Variants in GCNT2 observed in about 807,000 individuals in gnomAD.
GCNT2 encodes glucosaminyl (N-acetyl) transferase 2 (I blood group), also known as N-acetyllactosaminide beta-1,6-N-acetylglucosaminyl-transferase.
A neutral mutation model predicts 34.2 loss-of-function variants in GCNT2; 34 were observed. The ratio of observed to expected loss-of-function variants is 1.00; its 90% confidence interval spans 0.76 to 1.32. The LOEUF (loss-of-function observed/expected upper bound fraction) is 1.32, where lower values mean the gene tolerates loss of function less well. GCNT2 is among the 40% of genes most tolerant of loss of function. The pLI is 0.00. For synonymous variants in GCNT2, 212 were observed against 188.0 expected, an observed-to-expected ratio of 1.13 and a Z score of -1.04; for missense variants, 584 against 489.4, an observed-to-expected ratio of 1.19 and a Z score of -1.82.
intron 3 of GCNT2, among the ~76,000 whole-genome samples, chr6:10,610,158 G>C (rs1765487171): frequency 6.6e-6 from 1 of 152,224 alleles, no homozygotes; most frequent in South Asian, 2.1e-4. Flanking sequence ...TTTGAGCAAT[G>C]CTATTATCAA....
At chr6:10,598,966 T>C (rs9379549) in intron 3 of GCNT2, among the ~76,000 whole-genome samples, 16,746 of 152,278 alleles carry the variant, frequency 0.11, 1,103 homozygotes, top group Middle Eastern at 0.17. Context: ...CTAGTAAGTG[T>C]AAATAAGTGT....
At chr6:10,601,389 T>C (rs1765080435) in intron 3 of GCNT2, among the ~76,000 whole-genome samples, 1 of 152,160 alleles carries the variant, frequency 6.6e-6, no homozygotes, top group African/African-American at 2.4e-5. Context: ...ACCAAAAGTG[T>C]GTCCCACTTT....
At chr6:10,619,773 C>G (rs531022385) in intron 3 of GCNT2, 1 of 152,340 alleles carries the variant, frequency 6.6e-6, no homozygotes, top group South Asian at 2.1e-4. Flanking sequence ...TTCTGCAGGA[C>G]AAAAGCCTGA....
rs1388274168 is a variant in GCNT2 at position 10,543,178 on chromosome 6, G to A, written c.925+13342G>A. Among the ~76,000 whole-genome samples, 3 of 151,696 alleles carry A rather than the reference G, an allele frequency of 2.0e-5. No homozygotes were observed. In the East Asian group the frequency reaches 5.8e-4, roughly 29 times the overall value. Reference sequence around the variant, plus strand: ...CAGCCTCGGCCTCCCAAAGTGCTAGGATTACAGGAGTGAGCCACCACGCCC... The same window carrying A: ...CAGCCTCGGCCTCCCAAAGTGCTAGAATTACAGGAGTGAGCCACCACGCCC... On this transcript the variant is annotated intron_variant, in intron 3 of 4. Coordinates refer to ENST00000495262, the MANE Select transcript of GCNT2 (RefSeq NM_145649.5).
chr6:10,624,947 G>C (rs917873420), intron 4 of GCNT2, among the ~76,000 whole-genome samples: 2 of 152,142 alleles, frequency 1.3e-5, no homozygotes, highest in Non-Finnish European at 1.5e-5. Context: ...TGAACCTTCT[G>C]CTTTCTCCAG....
Position 10,530,909 on chromosome 6 carries a change from C to G in GCNT2, c.925+1073C>G, listed in dbSNP as rs187526165. On this transcript the variant is annotated intron_variant, in intron 3 of 4. Transcript: ENST00000495262. ...CTCTACTAAAAATACCAAAAATTAGCCAGGCGTGGTGGCGCATGCCTGTAA... is the reference window on the plus strand; with the variant it reads ...CTCTACTAAAAATACCAAAAATTAGGCAGGCGTGGTGGCGCATGCCTGTAA... Among the ~76,000 whole-genome samples, 263 of 152,130 alleles carry G rather than the reference C, an allele frequency of 1.7e-3. 5 individuals carry two copies. The highest frequency in any genetic ancestry group is 4.2e-4 in the South Asian group (2 of 4,814).
At chr6:10,561,109 C>G (rs1762959038) in intron 3 of GCNT2, among the ~76,000 whole-genome samples, 2 of 152,334 alleles carry the variant, frequency 1.3e-5, no homozygotes, top group South Asian at 2.1e-4. Flanking sequence ...CTCTAAGTCA[C>G]TTTAAGAAAA....
intron 3 of GCNT2, among the ~76,000 whole-genome samples, chr6:10,539,180 C>CTCTTTTTTTTT (rs1554127323): frequency 4.6e-5 from 3 of 65,328 alleles, no homozygotes; most frequent in East Asian, 5.6e-4. Flanking sequence ...CTCACCGTCT[C>CTCTTTTTTTTT]TTTTTTTTTT....
intron 3 of GCNT2, chr6:10,557,321 G>A: frequency 6.2e-7 from 1 of 1,613,516 alleles, no homozygotes; most frequent in East Asian, 2.2e-5. Context: ...GCATTTCTGG[G>A]TGACACTCAA....
chr6:10,543,426 A>G (rs1250091945), intron 3 of GCNT2, among the ~76,000 whole-genome samples: 3 of 151,944 alleles, frequency 2.0e-5, no homozygotes, highest in Non-Finnish European at 1.5e-5. Flanking sequence ...CCTTACCTCA[A>G]ATGATCCACC....
intron 3 of GCNT2, among the ~76,000 whole-genome samples, chr6:10,595,212 G>A (rs1239982642): frequency 6.6e-6 from 1 of 152,062 alleles, no homozygotes; most frequent in Admixed American, 6.6e-5. Context: ...GGATGTCAAT[G>A]CTATCTATTT....
intron 3 of GCNT2, chr6:10,585,818 CGA>C (rs1460868536): frequency 1.4e-6 from 2 of 1,451,466 alleles, no homozygotes; most frequent in Admixed American, 5.5e-5. Context: ...AAAGGATGGA[CGA>C]GACACCGAAG....
chr6:10,551,701 C>T (rs1325911993), intron 3 of GCNT2, among the ~76,000 whole-genome samples: 1 of 151,694 alleles, frequency 6.6e-6, no homozygotes, highest in East Asian at 1.9e-4. Flanking sequence ...CCTTGGCCTC[C>T]CAAAGTGCTG....
intron 3 of GCNT2, among the ~76,000 whole-genome samples, chr6:10,596,247 G>A (rs1214730243): frequency 6.6e-6 from 1 of 152,078 alleles, no homozygotes; most frequent in Admixed American, 6.5e-5. Context: ...CATTCAGCTG[G>A]GTGCAGTGAC....
chr6:10,621,852 T>C (rs1766050970), intron 4 of GCNT2, among the ~76,000 whole-genome samples: 1 of 152,020 alleles, frequency 6.6e-6, no homozygotes, highest in African/African-American at 2.4e-5. Context: ...ACCACAGGCG[T>C]GCACCACCAC....
intron 3 of GCNT2, among the ~76,000 whole-genome samples, chr6:10,592,441 A>G (rs952463947): frequency 6.6e-6 from 1 of 152,174 alleles, no homozygotes; most frequent in Non-Finnish European, 1.5e-5. Context: ...TTAATTTACA[A>G]TGTATCCCAG....
intron 3 of GCNT2, among the ~76,000 whole-genome samples, chr6:10,609,411 A>T (rs759219225): frequency 1.3e-5 from 2 of 152,224 alleles, no homozygotes; most frequent in African/African-American, 4.8e-5. Flanking sequence ...TTATGAACCC[A>T]TACTCAAAAT....
intron 3 of GCNT2, among the ~76,000 whole-genome samples, chr6:10,611,782 TACTA>T (rs2127436112): frequency 6.6e-6 from 1 of 152,330 alleles, no homozygotes; most frequent in South Asian, 2.1e-4. Context: ...CAAGCACAAT[TACTA>T]AATTAATGAA....
Position 10,566,621 on chromosome 6 carries a change from T to C in GCNT2, c.925+36785T>C, listed in dbSNP as rs115037362. The stretch of plus-strand genomic sequence containing the variant: ...ATCAGTTTTGCAGTGCTGTGTTGTA[T>C]ATTCCTAGTGACCTTTTAGAATAGG... On this transcript the variant is annotated intron_variant, in intron 3 of 4. Coordinates refer to ENST00000495262, the MANE Select transcript of GCNT2 (RefSeq NM_145649.5). 1.4e-3 allele frequency among the ~76,000 whole-genome samples: 211 copies of C among 152,358 alleles called. 3 individuals carry two copies. Among genetic ancestry groups the C allele is most frequent in the African/African-American group, 4.7e-3 (197 of 41,592 alleles).
Sources: allele counts gnomAD v4.1 joint callset (sites outside exome capture counted in the v4.1 genomes callset), GRCh38; gene constraint gnomAD v4.1.1; transcripts MANE v1.5; gene names NCBI Gene and HGNC (gene_info 2026-07-23, HGNC 2026-07-21).